The following UBE2S variants were observed in gnomAD, a reference collection of about 807,000 sequenced individuals.
The protein encoded by UBE2S is ubiquitin conjugating enzyme E2 S, also known as ubiquitin-conjugating enzyme E2 S.
A neutral mutation model predicts 12.3 loss-of-function variants in UBE2S; 3 were observed. That is an observed-to-expected ratio of 0.24 (90% confidence interval 0.11 to 0.63). The LOEUF is 0.63. UBE2S is among the 30% of genes least tolerant of loss of function. The pLI is 0.85. For synonymous variants in UBE2S, 133 were observed against 142.0 expected (o/e 0.94, Z 0.45); for missense variants, 211 against 313.9 (o/e 0.67, Z 2.48).
intron 1 of UBE2S, among the ~76,000 whole-genome samples, chr19:55,407,171 G>A (rs1169224384): frequency 6.6e-6 from 1 of 150,912 alleles, no homozygotes; most frequent in Non-Finnish European, 1.5e-5. Flanking sequence ...GGGGGGGCTT[G>A]CAGATAACTC....
chr19:55,401,786 C>G, intron 3 of UBE2S, 24 bp from the exon 4 acceptor site: 2 of 1,612,572 alleles, frequency 1.2e-6, no homozygotes, highest in Admixed American at 3.3e-5. Flanking sequence ...CTCAGGGTCA[C>G]AGTGGGTCGG....
At chr19:55,403,014 C>T in intron 3 of UBE2S, 1 of 1,524,254 alleles carries the variant, frequency 6.6e-7, no homozygotes, top group Middle Eastern at 1.7e-4. Context: ...GACGCCTCCA[C>T]CTCAGCAACA....
rs761469296 is a variant in UBE2S at position 55,404,194 on chromosome 19, T to C, written c.342+94A>G. On this transcript the variant is annotated intron_variant, in intron 3 of 3. Coordinates refer to ENST00000264552, the MANE Select transcript of UBE2S (RefSeq NM_014501.3). The surrounding 1 kb of genome is among the most constrained non-coding windows in gnomAD (Gnocchi z 4.4). The stretch of plus-strand genomic sequence containing the variant: ...TGGAAACCTTCAACCACTTCAGAGT[T>C]GATTCAGAAAAACTAAACAAAGCGC... 3.3e-6 allele frequency: 5 copies of C among 1,505,004 alleles called. No homozygotes were observed. Among genetic ancestry groups the C allele is most frequent in the Non-Finnish European group, 4.6e-6 (5 of 1,097,758 alleles). The allele number at this position is 1,505,004 out of a possible 1,614,324, so 93.2% of individuals were successfully genotyped here. A position where few individuals can be genotyped will look rare whatever the true frequency, so the allele number is the denominator to read the frequency against.
At chr19:55,407,064 A>G (rs1044801258) in intron 1 of UBE2S, 102 bp from the exon 2 acceptor site, 4 of 1,432,978 alleles carry the variant, frequency 2.8e-6, no homozygotes, top group Non-Finnish European at 2.8e-6. Context: ...CAGTGGCCCC[A>G]GGCTGTCAAT....
Position 55,401,396 on chromosome 19 carries a change from G to A in UBE2S, c.*40C>T. On this transcript the variant is annotated 3_prime_UTR_variant, in exon 4 of 4. Coordinates refer to ENST00000264552, the MANE Select transcript of UBE2S (RefSeq NM_014501.3). Reference sequence around the variant, plus strand: ...GAGACAGAGTTGGAGGGAGGGGACAGGAGAGGTTGGGGTCACGGTGGAAGG... The same window carrying A: ...GAGACAGAGTTGGAGGGAGGGGACAAGAGAGGTTGGGGTCACGGTGGAAGG... 1 of 1,392,050 alleles carries A rather than the reference G, an allele frequency of 7.2e-7. No individual in the cohort carries two copies. Among genetic ancestry groups the A allele is most frequent in the Non-Finnish European group, 9.9e-7 (1 of 1,008,456 alleles). 86.2% of individuals were successfully genotyped at this position (1,392,050 alleles called of 1,614,324 possible).
rs1310570993 is a variant in UBE2S, at chr19:55,404,060, C to G, written c.342+228G>C. The G allele has an allele frequency of 1.8e-6, 1 of 553,710 alleles. No individual in the cohort carries two copies. The highest frequency in any genetic ancestry group is 2.1e-5 in the South Asian group (1 of 48,220). 34.3% of individuals were successfully genotyped at this position (553,710 alleles called of 1,614,324 possible). On this transcript the variant is annotated intron_variant, in intron 3 of 3. Coordinates refer to ENST00000264552, the MANE Select transcript of UBE2S (RefSeq NM_014501.3). This position sits in a 1 kb window ranked among gnomAD's most constrained non-coding sequence, Gnocchi z 4.4. ...AAAACCATCCTACAATACAAACTCA[C>G]CACTCGTTGCATAGTAAGGTGCTCC...
At chr19:55,403,289 A>T (rs2090074515) in intron 3 of UBE2S, 1 of 572,046 alleles carries the variant, frequency 1.7e-6, no homozygotes, top group Non-Finnish European at 3.1e-6. Flanking sequence ...CAGCTTTAGC[A>T]AAAAAGCCTC....
rs11669732 is a variant in UBE2S, at chr19:55,400,964, C to T, written c.*472G>A. On this transcript the variant is annotated 3_prime_UTR_variant, in exon 4 of 4. Transcript: ENST00000264552. ...GGCACCTGGCCGTCCTGAGCAGGAACACCACTGCCACACCAACGTGGCCAT... is the reference window on the plus strand; with the variant it reads ...GGCACCTGGCCGTCCTGAGCAGGAATACCACTGCCACACCAACGTGGCCAT... 0.56 allele frequency: 90,086 copies of T among 161,124 alleles called. 26,722 individuals carry two copies. Among genetic ancestry groups the T allele is most frequent in the African/African-American group, 0.72 (30,012 of 41,626 alleles). 10.0% of individuals were successfully genotyped at this position (161,124 alleles called of 1,614,324 possible). A position where few individuals can be genotyped will look rare whatever the true frequency, so the allele number is the denominator to read the frequency against.
At chr19:55,406,211 C>T (rs1392649697) in intron 2 of UBE2S, among the ~76,000 whole-genome samples, 2 of 152,194 alleles carry the variant, frequency 1.3e-5, no homozygotes, top group African/African-American at 4.8e-5. Flanking sequence ...CAACTGTCAC[C>T]GCTGCCAGGT....
At chr19:55,403,301 A>G in intron 3 of UBE2S, 2 of 569,982 alleles carry the variant, frequency 3.5e-6, no homozygotes, top group Non-Finnish European at 3.1e-6. Context: ...AAAAGCCTCT[A>G]ATGAGACCCC....
At chr19:55,407,201 C>A (rs906089681) in intron 1 of UBE2S, among the ~76,000 whole-genome samples, 3 of 150,592 alleles carry the variant, frequency 2.0e-5, no homozygotes, top group African/African-American at 4.9e-5. Context: ...CAGAACCCCC[C>A]CCCCAAAGCC....
chr19:55,402,884 C>A, intron 3 of UBE2S: 1 of 1,413,758 alleles, frequency 7.1e-7, no homozygotes, highest in South Asian at 1.3e-5. Context: ...ATTCCCCACC[C>A]TCTCTGCCAT....
chr19:55,403,980 AT>A, intron 3 of UBE2S: 1 of 298,920 alleles, frequency 3.3e-6, no homozygotes, highest in South Asian at 3.0e-5. Context: ...AGCTCAAGTG[AT>A]CCACCACACC....
In UBE2S at chr19:55,404,120, T is replaced by C; in HGVS notation, c.342+168A>G. ...CTCAACAGTACTTGGGTGTCCTGGG[T>C]CTGGCACTGTTTGTCTTTCCAGGAA... On this transcript the variant is annotated intron_variant, in intron 3 of 3. Coordinates refer to ENST00000264552, the MANE Select transcript of UBE2S (RefSeq NM_014501.3). The surrounding 1 kb of genome is among the most constrained non-coding windows in gnomAD (Gnocchi z 4.4). 1 of 842,612 alleles carries C rather than the reference T, an allele frequency of 1.2e-6. No individual in the cohort carries two copies. The highest frequency in any genetic ancestry group is 1.8e-6 in the Non-Finnish European group (1 of 543,254). The allele number at this position is 842,612 out of a possible 1,614,324, so 52.2% of individuals were successfully genotyped here.
Position 55,404,115 on chromosome 19 carries a change from C to T in UBE2S, c.342+173G>A. Reference sequence around the variant, plus strand: ...CACTTCTCAACAGTACTTGGGTGTCCTGGGTCTGGCACTGTTTGTCTTTCC... The same window carrying T: ...CACTTCTCAACAGTACTTGGGTGTCTTGGGTCTGGCACTGTTTGTCTTTCC... On this transcript the variant is annotated intron_variant, in intron 3 of 3. Coordinates refer to ENST00000264552, the MANE Select transcript of UBE2S (RefSeq NM_014501.3). The surrounding 1 kb of genome is among the most constrained non-coding windows in gnomAD (Gnocchi z 4.4). The T allele has an allele frequency of 1.2e-6, 1 of 802,180 alleles. No individual in the cohort carries two copies. The highest frequency in any genetic ancestry group is 2.0e-6 in the Non-Finnish European group (1 of 511,538). 49.7% of individuals were successfully genotyped at this position (802,180 alleles called of 1,614,324 possible). A position where few individuals can be genotyped will look rare whatever the true frequency, so the allele number is the denominator to read the frequency against.
Position 55,401,663 on chromosome 19 carries a change from C to T in UBE2S, c.442G>A (p.Ala148Thr). Residue 148 changes from alanine (A) to threonine (T), a missense_variant, in exon 4 of 4, where the codon GCC (alanine) becomes ACC (threonine). Coordinates refer to ENST00000264552, the MANE Select transcript of UBE2S (RefSeq NM_014501.3). ...LENYEEYAAR[A>T]RLLTEIHGGA... ...CCGTGGATCTCTGTGAGCAGACGGG[C>T]CCGAGCCGCATACTCCTCGTAGTTC... is the stretch of plus-strand genomic sequence containing the variant. 6.2e-7 allele frequency: 1 copy of T among 1,610,644 alleles called. No individual in the cohort carries two copies. Among genetic ancestry groups the T allele is most frequent in the Non-Finnish European group, 8.5e-7 (1 of 1,179,102 alleles).
intron 3 of UBE2S, among the ~76,000 whole-genome samples, 177 bp from the exon 4 acceptor site, chr19:55,401,939 C>A (rs978982966): frequency 3.3e-5 from 5 of 152,176 alleles, no homozygotes; most frequent in Non-Finnish European, 7.3e-5. Flanking sequence ...TCAGAGGCCA[C>A]CTTCATGTGA....
At chr19:55,406,460 T>A (rs2090096645) in intron 2 of UBE2S, among the ~76,000 whole-genome samples, 1 of 152,106 alleles carries the variant, frequency 6.6e-6, no homozygotes, top group East Asian at 1.9e-4. Context: ...GAGTTTGAGA[T>A]CACCTGGCCC....
chr19:55,401,130 CA>C lies in UBE2S; in HGVS notation c.*305del, dbSNP rs369651553. 827 of 454,002 alleles carry C rather than the reference CA, an allele frequency of 1.8e-3. 10 individuals are homozygous for C. Among genetic ancestry groups the C allele is most frequent in the African/African-American group, 0.015 (755 of 49,392 alleles). The allele number at this position is 454,002 out of a possible 1,614,324, so 28.1% of individuals were successfully genotyped here. Reference sequence around the variant, plus strand: ...CCTCCACAGAACAAAGAGGTGGACCCAAACCTCAAACAGCAAGGCTGGTGAG... The same window carrying C: ...CCTCCACAGAACAAAGAGGTGGACCCAACCTCAAACAGCAAGGCTGGTGAG... On this transcript the variant is annotated 3_prime_UTR_variant, in exon 4 of 4. Coordinates refer to ENST00000264552, the MANE Select transcript of UBE2S (RefSeq NM_014501.3).
Sources: gnomAD v4.1 joint callset for allele counts (sites outside exome capture counted in the v4.1 genomes callset) on GRCh38, gnomAD v4.1.1 for gene constraint, Gnocchi (gnomAD v3.1) non-coding constraint, MANE v1.5 for transcripts, NCBI Gene and HGNC (gene_info 2026-07-23, HGNC 2026-07-21) for gene names.